Variants in CAMK2G observed in about 807,000 individuals in gnomAD.
CAMK2G encodes the protein calcium/calmodulin dependent protein kinase II gamma, also known as calcium/calmodulin-dependent protein kinase type II subunit gamma.
In CAMK2G, 23 loss-of-function variants were observed where a neutral mutation model predicts 88.7. The ratio of observed to expected loss-of-function variants is 0.26; its 90% CI spans 0.19 to 0.37. The LOEUF (loss-of-function observed/expected upper bound fraction) is 0.37, where lower values mean the gene tolerates loss of function less well. Among genes scored for constraint, CAMK2G ranks in the 10% least tolerant of loss-of-function variants. The pLI, the probability that CAMK2G is intolerant of heterozygous loss-of-function variation, is 1.00. For synonymous variants in CAMK2G, 263 were observed against 294.8 expected, an observed-to-expected ratio of 0.89 and a Z score of 1.11; for missense variants, 476 against 780.8, an observed-to-expected ratio of 0.61 and a Z score of 4.65.
At chr10:73,864,213 G>A (rs1282961765) in intron 2 of CAMK2G, among the ~76,000 whole-genome samples, 2 of 151,964 alleles carry the variant, frequency 1.3e-5, no homozygotes, top group East Asian at 3.9e-4. Context: ...AGCCAAATGT[G>A]CTCACTAGAA....
intron 21 of CAMK2G, chr10:73,815,781 T>C (rs1025773537): frequency 5.6e-5 from 55 of 984,624 alleles, no homozygotes; most frequent in Admixed American, 1.2e-4. Context: ...AAAGCTGAAA[T>C]AGAATCATCA....
intron 19 of CAMK2G, 26 bp downstream of exon 19, chr10:73,819,481 TCAGGACGAGCCAGGGAGACGGAAGC>T: frequency 7.4e-7 from 1 of 1,344,626 alleles, no homozygotes; most frequent in Non-Finnish European, 1.0e-6. Flanking sequence ...CTGAGGGGCT[TCAGGACGAGCCAGGGAGACGGAAGC>T]CAGAATGTGC....
At chr10:73,870,210 C>A (rs1466937510) in intron 2 of CAMK2G, among the ~76,000 whole-genome samples, 1 of 152,174 alleles carries the variant, frequency 6.6e-6, no homozygotes, top group East Asian at 1.9e-4. Context: ...CTCCTGCATC[C>A]AAGCCTATTT....
chr10:73,830,969 T>A (rs1346703187), intron 14 of CAMK2G, among the ~76,000 whole-genome samples: 5 of 152,188 alleles, frequency 3.3e-5, no homozygotes, highest in African/African-American at 9.7e-5. Context: ...GAATCCATGA[T>A]GCTGAAAGCT....
intron 10 of CAMK2G, among the ~76,000 whole-genome samples, chr10:73,844,033 T>G (rs928229006): frequency 3.3e-5 from 5 of 152,254 alleles, no homozygotes; most frequent in African/African-American, 1.2e-4. Context: ...GATCTTCAAC[T>G]CTTTCCTCTG....
intron 14 of CAMK2G, among the ~76,000 whole-genome samples, chr10:73,829,621 G>A (rs2092005928): frequency 6.6e-6 from 1 of 151,546 alleles, no homozygotes; most frequent in African/African-American, 2.4e-5. Context: ...TTTTAAATAT[G>A]CTCAAATATG....
At position 73,846,967 on chromosome 10, in the gene CAMK2G, C is replaced by T. The variant is rs2094292409; in HGVS notation, c.819+258G>A. ...GTCCACAAGGGTCAACCTGAGCCCT[C>T]ATCCAAGAACAGAACCAATCCCAGC... On this transcript the variant is annotated intron_variant, in intron 10 of 22. Coordinates refer to ENST00000423381, the MANE Select transcript of CAMK2G (RefSeq NM_001367534.1). 4 of 424,422 alleles carry T rather than the reference C, an allele frequency of 9.4e-6. No individual in the cohort carries two copies. The Admixed American group carries it at 1.6e-4, about 17-fold the overall frequency. 26.3% of individuals were successfully genotyped at this position (424,422 alleles called of 1,614,324 possible).
intron 17 of CAMK2G, among the ~76,000 whole-genome samples, chr10:73,823,261 G>A (rs2089703072): frequency 6.6e-6 from 1 of 151,798 alleles, no homozygotes; most frequent in African/African-American, 2.4e-5. Flanking sequence ...CGTAGCCCAA[G>A]CTGGAGTGCA....
chr10:73,817,782 T>C (rs1208106647), intron 19 of CAMK2G: 4 of 566,044 alleles, frequency 7.1e-6, no homozygotes, highest in African/African-American at 5.6e-5. Flanking sequence ...CCATTAGTTA[T>C]GGTTCTTTGG....
Position 73,866,465 on chromosome 10 carries a change from TA to T in CAMK2G, c.161-5577del, listed in dbSNP as rs34839580. 4.7e-3 allele frequency among the ~76,000 whole-genome samples: 691 copies of T among 146,868 alleles called. 15 individuals carry two copies. The East Asian group carries it at 0.052, about 11-fold the overall frequency. On this transcript the variant is annotated intron_variant, in intron 2 of 22. Coordinates refer to ENST00000423381, the MANE Select transcript of CAMK2G (RefSeq NM_001367534.1). The stretch of plus-strand genomic sequence containing the variant: ...CCTGCTTGACTTAGTGACATTTTCC[TA>T]AAAAAAAAACACAAATGCCAGCACT...
At position 73,849,480 on chromosome 10, in the gene CAMK2G, G is replaced by A. The variant is rs2094475665; in HGVS notation, c.342-147C>T. 6 of 610,922 alleles carry A rather than the reference G, an allele frequency of 9.8e-6. No homozygotes were observed. In the South Asian group the frequency reaches 1.2e-4, roughly 12 times the overall value. The allele number at this position is 610,922 out of a possible 1,614,324, so 37.8% of individuals were successfully genotyped here. On this transcript the variant is annotated intron_variant, in intron 5 of 22. Transcript: ENST00000423381. ...AACGGCCACTGGAACCTTAGACTCT[G>A]CACATCATCTTGTTCAACCTATTTA...
At chr10:73,873,973 C>T (rs1028617651) in intron 1 of CAMK2G, among the ~76,000 whole-genome samples, 15 of 150,682 alleles carry the variant, frequency 1.0e-4, no homozygotes, top group South Asian at 2.1e-4. Context: ...ACAGCCCCCC[C>T]ACGCCCGGGC....
rs1260244135 is a variant in CAMK2G, at chr10:73,872,346, G to C, written c.160+643C>G. ...GTTCCTGCCCAAACCGGGCCTTTGGGATTTCTAGACCATGAGGCATCACCC... is the reference window on the plus strand; with the variant it reads ...GTTCCTGCCCAAACCGGGCCTTTGGCATTTCTAGACCATGAGGCATCACCC... On this transcript the variant is annotated intron_variant, in intron 2 of 22. Coordinates refer to ENST00000423381, the MANE Select transcript of CAMK2G (RefSeq NM_001367534.1). 6.1e-5 allele frequency among the ~76,000 whole-genome samples: 7 copies of C among 114,998 alleles called. 1 individual carries two copies. The East Asian group carries it at 1.6e-3, about 25-fold the overall frequency. The allele number at this position is 114,998 out of a possible 152,430, so 75.4% of individuals were successfully genotyped here.
rs1002561456 is a variant in CAMK2G at position 73,862,309 on chromosome 10, C to A, written c.161-1420G>T. Among the ~76,000 whole-genome samples, 14 of 139,336 alleles carry A rather than the reference C, an allele frequency of 1.0e-4. No homozygotes were observed. In the East Asian group the frequency reaches 2.3e-3, roughly 23 times the overall value. 91.4% of individuals were successfully genotyped at this position (139,336 alleles called of 152,430 possible). On this transcript the variant is annotated intron_variant, in intron 2 of 22. Coordinates refer to ENST00000423381, the MANE Select transcript of CAMK2G (RefSeq NM_001367534.1). Reference sequence around the variant, plus strand: ...TCCCTCCTACTCCACCCCCCCCCCCCCCGATTTCCCAATGCACTTCTCACG... The same window carrying A: ...TCCCTCCTACTCCACCCCCCCCCCCACCGATTTCCCAATGCACTTCTCACG...
At position 73,859,128 on chromosome 10, in the gene CAMK2G, T is replaced by C. The variant is rs541653534; in HGVS notation, c.220+1702A>G. Reference sequence around the variant, plus strand: ...GAACATCAAAATGCTTCTGTGCTTATGGGTGGCTTTAGTCACGCACATGTT... The same window carrying C: ...GAACATCAAAATGCTTCTGTGCTTACGGGTGGCTTTAGTCACGCACATGTT... On this transcript the variant is annotated intron_variant, in intron 3 of 22. Coordinates refer to ENST00000423381, the MANE Select transcript of CAMK2G (RefSeq NM_001367534.1). Among the ~76,000 whole-genome samples the C allele has an allele frequency of 2.0e-5, 3 of 152,388 alleles. No individual in the cohort carries two copies. In the South Asian group the frequency reaches 6.2e-4, roughly 32 times the overall value.
At chr10:73,835,913 C>A (rs543598448) in intron 14 of CAMK2G, among the ~76,000 whole-genome samples, 17 of 152,296 alleles carry the variant, frequency 1.1e-4, no homozygotes, top group Non-Finnish European at 1.8e-4. Context: ...TGGCTCACTG[C>A]AACCTCCGCC....
At chr10:73,831,565 C>G (rs1344049962) in intron 14 of CAMK2G, among the ~76,000 whole-genome samples, 1 of 136,880 alleles carries the variant, frequency 7.3e-6, no homozygotes, top group Non-Finnish European at 1.6e-5. Flanking sequence ...AAAAAGAAAG[C>G]AATCTTTTAA....
rs1203656018 is a variant in CAMK2G, at chr10:73,831,519, G to A, written c.1054-3398C>T. On this transcript the variant is annotated intron_variant, in intron 14 of 22. Transcript: ENST00000423381. Reference sequence around the variant, plus strand: ...TGCCATTGCACTCCAGCCTGGGTGAGAGTGAGACTCCGTCTAAAAAAAAAA... The same window carrying A: ...TGCCATTGCACTCCAGCCTGGGTGAAAGTGAGACTCCGTCTAAAAAAAAAA... 3.1e-4 allele frequency among the ~76,000 whole-genome samples: 38 copies of A among 122,690 alleles called. 1 individual carries two copies. Among genetic ancestry groups the A allele is most frequent in the Middle Eastern group, 6.8e-3 (1 of 146 alleles). The allele number at this position is 122,690 out of a possible 152,430, so 80.5% of individuals were successfully genotyped here.
chr10:73,863,779 G>C (rs2095478865), intron 2 of CAMK2G, among the ~76,000 whole-genome samples: 1 of 152,188 alleles, frequency 6.6e-6, no homozygotes, highest in African/African-American at 2.4e-5. Context: ...CAGGCTCCCA[G>C]CTCCTCAAAG....
Sources: gnomAD v4.1 joint callset for allele counts (sites outside exome capture counted in the v4.1 genomes callset) on GRCh38, gnomAD v4.1.1 for gene constraint, MANE v1.5 for transcripts, NCBI Gene and HGNC (gene_info 2026-07-23, HGNC 2026-07-21) for gene names.